Variants in CORIN observed in about 807,000 individuals in gnomAD.
CORIN encodes the protein atrial natriuretic peptide-converting enzyme.
A neutral mutation model predicts 125.3 loss-of-function variants in CORIN; 117 were observed. That is an observed-to-expected ratio of 0.93 (90% CI 0.80 to 1.09). The LOEUF (loss-of-function observed/expected upper bound fraction) is 1.09. CORIN is among the 50% of genes least tolerant of loss of function. The probability of loss-of-function intolerance (pLI) is 0.00; values close to 1 mark genes in which losing one functional copy is unlikely to be tolerated. For missense variants in CORIN, 1,253 were observed against 1,306.7 expected, an observed-to-expected ratio of 0.96 and a Z score of 0.63; for synonymous variants, 450 against 466.4, an observed-to-expected ratio of 0.96 and a Z score of 0.45.
chr4:47,652,782 G>A (rs1262796844), intron 13 of CORIN: 1 of 152,100 alleles, frequency 6.6e-6, no homozygotes, highest in Non-Finnish European at 1.5e-5. Context: ...AATTAGACTG[G>A]GAATGATGGA....
chr4:47,642,969 G>T, intron 15 of CORIN, 177 bp downstream of exon 15: 1 of 1,536,468 alleles, frequency 6.5e-7, no homozygotes, highest in South Asian at 1.2e-5. Context: ...GCTTCGTGGG[G>T]AAATTTTCTG....
chr4:47,789,563 G>A (rs1227072129), intron 2 of CORIN, among the ~76,000 whole-genome samples: 1 of 152,198 alleles, frequency 6.6e-6, no homozygotes, highest in East Asian at 1.9e-4. Context: ...TAAACTTAAA[G>A]GACATGTCTT....
At chr4:47,777,508 G>A (rs1349769037) in intron 3 of CORIN, among the ~76,000 whole-genome samples, 2 of 152,136 alleles carry the variant, frequency 1.3e-5, no homozygotes, top group African/African-American at 4.8e-5. Flanking sequence ...GCACACACCT[G>A]TTATCCCAGC....
chr4:47,774,240 C>A (rs749549453), intron 3 of CORIN, among the ~76,000 whole-genome samples: 5 of 152,044 alleles, frequency 3.3e-5, no homozygotes, highest in African/African-American at 4.8e-5. Flanking sequence ...AGCTGCAGTG[C>A]GGGAGGCATG....
intron 1 of CORIN, among the ~76,000 whole-genome samples, chr4:47,817,381 C>A (rs1361323067): frequency 6.6e-6 from 1 of 151,872 alleles, no homozygotes; most frequent in Non-Finnish European, 1.5e-5. Context: ...TAGGGTAGAA[C>A]AACACACATG....
Position 47,595,888 on chromosome 4 carries a change from G to A in CORIN, c.2962C>T (p.Pro988Ser). 6.2e-7 allele frequency: 1 copy of A among 1,608,594 alleles called. No individual in the cohort carries two copies. The highest frequency in any genetic ancestry group is 1.1e-5 in the South Asian group (1 of 90,158). The change falls in exon 22 of 22, where the codon CCT becomes TCT. Residue 988 changes from proline to serine, a missense_variant. Transcript: ENST00000273857. ...VDSCMGDSGG[P>S]LVCEKPGGRW... Reference sequence around the variant, plus strand: ...CCTCCAGGCTTCTCACAAACAAGAGGCCCACCGCTGTCACCCTGCAATAAG... The same window carrying A: ...CCTCCAGGCTTCTCACAAACAAGAGACCCACCGCTGTCACCCTGCAATAAG...
rs201602426 is a variant in CORIN, at chr4:47,820,283, G to GA, written c.64-13237_64-13236insT. ...GTTAGAGGGAAATAATGAGGGTGAGGGGAGAAATTTTCTTGGACGTCAGAC... is the reference window on the plus strand; with the variant it reads ...GTTAGAGGGAAATAATGAGGGTGAGGAGGAGAAATTTTCTTGGACGTCAGAC... On this transcript the variant is annotated intron_variant, in intron 1 of 21. Coordinates refer to ENST00000273857, the MANE Select transcript of CORIN (RefSeq NM_006587.4). Among the ~76,000 whole-genome samples, 388 of 152,124 alleles carry GA rather than the reference G, an allele frequency of 2.6e-3. 1 individual carries two copies. The highest frequency in any genetic ancestry group is 9.0e-3 in the African/African-American group (374 of 41,452).
intron 1 of CORIN, among the ~76,000 whole-genome samples, chr4:47,831,826 G>A (rs529918702): frequency 1.3e-5 from 2 of 151,568 alleles, no homozygotes; most frequent in South Asian, 2.1e-4. Flanking sequence ...TTAGGACAAG[G>A]TCATACTGGA....
At chr4:47,659,640 G>C (rs561930274) in intron 12 of CORIN, among the ~76,000 whole-genome samples, 15 of 152,226 alleles carry the variant, frequency 9.9e-5, no homozygotes, top group African/African-American at 3.4e-4. Context: ...GAGCTCACTT[G>C]TCATCAAGGA....
At chr4:47,676,597 T>C (rs756136124) in intron 9 of CORIN, among the ~76,000 whole-genome samples, 2 of 152,206 alleles carry the variant, frequency 1.3e-5, no homozygotes, top group African/African-American at 2.4e-5. Context: ...CGGTTTTGCT[T>C]ACCACTGAAT....
chr4:47,639,104 T>C (rs185315116), intron 16 of CORIN, among the ~76,000 whole-genome samples: 7 of 152,152 alleles, frequency 4.6e-5, no homozygotes, highest in African/African-American at 1.4e-4. Flanking sequence ...CCCCCTGAAG[T>C]AGAAGAATGA....
chr4:47,812,614 G>A (rs543845594), intron 1 of CORIN, among the ~76,000 whole-genome samples: 4 of 152,250 alleles, frequency 2.6e-5, no homozygotes, highest in Non-Finnish European at 5.9e-5. Flanking sequence ...ATAGACTATA[G>A]GAACCAACAA....
intron 13 of CORIN, among the ~76,000 whole-genome samples, chr4:47,649,540 G>A (rs1278068439): frequency 1.3e-5 from 2 of 152,206 alleles, no homozygotes; most frequent in Non-Finnish European, 2.9e-5. Context: ...GGATGAACAG[G>A]GCATGTTATA....
At chr4:47,706,872 C>T in intron 5 of CORIN, 1 of 1,599,002 alleles carries the variant, frequency 6.3e-7, no homozygotes, top group Non-Finnish European at 8.5e-7. Flanking sequence ...CTGACATCTG[C>T]AGGCCGAAAG....
chr4:47,736,887 G>A (rs1195605123), intron 5 of CORIN, among the ~76,000 whole-genome samples: 1 of 152,226 alleles, frequency 6.6e-6, no homozygotes, highest in Non-Finnish European at 1.5e-5. Flanking sequence ...TGCTGAAGCA[G>A]CCAGATACTA....
chr4:47,793,314 T>C lies in CORIN; in HGVS notation c.209-6389A>G, dbSNP rs149083502. Reference sequence around the variant, plus strand: ...GCTCCATAAATATTCGTTGAACGTATGAATGATGAATGGACTAATGGAAAT... The same window carrying C: ...GCTCCATAAATATTCGTTGAACGTACGAATGATGAATGGACTAATGGAAAT... On this transcript the variant is annotated intron_variant, in intron 2 of 21. Transcript: ENST00000273857. Among the ~76,000 whole-genome samples, 701 of 152,130 alleles carry C rather than the reference T, an allele frequency of 4.6e-3. 7 individuals are homozygous for C. The highest frequency in any genetic ancestry group is 0.016 in the African/African-American group (674 of 41,478).
At position 47,807,015 on chromosome 4, in the gene CORIN, A is replaced by G; in HGVS notation, c.96T>C (p.Asn32=). 6.2e-7 allele frequency: 1 copy of G among 1,613,960 alleles called. No homozygotes were observed. The highest frequency in any genetic ancestry group is 8.5e-7 in the Non-Finnish European group (1 of 1,179,938). The change falls in exon 2 of 22, where the codon AAT becomes AAC. Residue 32 remains asparagine (N), a synonymous_variant. Coordinates refer to ENST00000273857, the MANE Select transcript of CORIN (RefSeq NM_006587.4). ...CAGTCGCCAGCTTCTGAGAGCAGCCATTGCCCATGTTATTGTCATCAGCTC... is the reference window on the plus strand; with the variant it reads ...CAGTCGCCAGCTTCTGAGAGCAGCCGTTGCCCATGTTATTGTCATCAGCTC... The part of the protein sequence containing the change: ...VLRADDNNMG[N]GCSQKLATAN...
chr4:47,697,225 T>C (rs552293706), intron 5 of CORIN, among the ~76,000 whole-genome samples: 17 of 152,092 alleles, frequency 1.1e-4, no homozygotes, highest in Admixed American at 8.5e-4. Flanking sequence ...GCACAATAGA[T>C]TGGTAAAAGG....
At chr4:47,827,188 TAA>T (rs1217608014) in intron 1 of CORIN, among the ~76,000 whole-genome samples, 1 of 152,136 alleles carries the variant, frequency 6.6e-6, no homozygotes, top group Non-Finnish European at 1.5e-5. Context: ...GCCTTACTTA[TAA>T]GAGAGCCCAG....
Sources: allele counts gnomAD v4.1 joint callset (sites outside exome capture counted in the v4.1 genomes callset), GRCh38; gene constraint gnomAD v4.1.1; transcripts MANE v1.5; gene names NCBI Gene and HGNC (gene_info 2026-07-23, HGNC 2026-07-21).